Variants in ZNF385B observed in about 807,000 individuals in gnomAD.
The protein encoded by ZNF385B is zinc finger protein 533.
A neutral mutation model predicts 39.2 loss-of-function variants in ZNF385B; 23 were observed. The observed-to-expected ratio is 0.59, with a 90% confidence interval of 0.42 to 0.83. The LOEUF (loss-of-function observed/expected upper bound fraction) is 0.83. ZNF385B is among the 40% of genes least tolerant of loss of function. The pLI, the probability that ZNF385B is intolerant of heterozygous loss-of-function variation, is 0.00. For missense variants in ZNF385B, 552 were observed against 598.9 expected (o/e 0.92, Z 0.82); for synonymous variants, 205 against 222.6 (o/e 0.92, Z 0.70).
chr2:179,588,213 C>G (rs1006264843), intron 3 of ZNF385B, among the ~76,000 whole-genome samples: 2 of 152,070 alleles, frequency 1.3e-5, no homozygotes, highest in African/African-American at 2.4e-5. Flanking sequence ...CTCAGCCTCC[C>G]GAGTAGCTGG....
At chr2:179,562,598 C>T (rs1214517667) in intron 3 of ZNF385B, 4 of 985,228 alleles carry the variant, frequency 4.1e-6, no homozygotes, top group Admixed American at 6.2e-5. Context: ...TATTGAGGAT[C>T]GTGTTTGCAA....
intron 8 of ZNF385B, 119 bp from the exon 9 acceptor site, chr2:179,445,096 G>T: frequency 1.2e-6 from 1 of 821,210 alleles, no homozygotes; most frequent in South Asian, 1.5e-5. Context: ...ACGATGGTGT[G>T]GGTAAAATCA....
chr2:179,741,083 G>A (rs1702060764), intron 3 of ZNF385B, among the ~76,000 whole-genome samples: 1 of 152,092 alleles, frequency 6.6e-6, no homozygotes, highest in African/African-American at 2.4e-5. Context: ...CCAAAACTTG[G>A]GTTAATGGCA....
chr2:179,761,933 C>G (rs913186043), intron 3 of ZNF385B, among the ~76,000 whole-genome samples: 26 of 151,600 alleles, frequency 1.7e-4, no homozygotes, highest in African/African-American at 6.3e-4. Flanking sequence ...ACTTCCAGCA[C>G]CATTTTGAAT....
At chr2:179,506,664 T>G (rs1183251562) in intron 5 of ZNF385B, among the ~76,000 whole-genome samples, 1 of 152,142 alleles carries the variant, frequency 6.6e-6, no homozygotes, top group African/African-American at 2.4e-5. Context: ...CTTTTTCTCT[T>G]TTGTGCACTG....
chr2:179,495,755 G>T (rs2056135232), intron 5 of ZNF385B, among the ~76,000 whole-genome samples: 1 of 152,192 alleles, frequency 6.6e-6, no homozygotes, highest in Admixed American at 6.5e-5. Flanking sequence ...AGACCATCAA[G>T]GTGGTACCTC....
chr2:179,786,688 C>A (rs1705025924), intron 1 of ZNF385B, among the ~76,000 whole-genome samples: 1 of 150,234 alleles, frequency 6.7e-6, no homozygotes, highest in Non-Finnish European at 1.5e-5. Context: ...TGACAGGTTT[C>A]TTTCTTTTTC....
At chr2:179,744,537 C>T (rs1702267062) in intron 3 of ZNF385B, among the ~76,000 whole-genome samples, 1 of 152,096 alleles carries the variant, frequency 6.6e-6, no homozygotes, top group South Asian at 2.1e-4. Flanking sequence ...TTGGTGAACA[C>T]AAATGGTTTG....
chr2:179,516,776 T>C (rs2058117267), intron 5 of ZNF385B, among the ~76,000 whole-genome samples: 1 of 152,114 alleles, frequency 6.6e-6, no homozygotes, highest in Non-Finnish European at 1.5e-5. Flanking sequence ...GTCCAATATA[T>C]CAATATTCAC....
chr2:179,635,042 T>G (rs1443612177), intron 3 of ZNF385B, among the ~76,000 whole-genome samples: 2 of 149,402 alleles, frequency 1.3e-5, no homozygotes, highest in Non-Finnish European at 3.0e-5. Flanking sequence ...CTTGGGAGGC[T>G]GAGGCAGGAG....
intron 3 of ZNF385B, among the ~76,000 whole-genome samples, chr2:179,665,299 A>C (rs959713185): frequency 6.6e-5 from 10 of 152,258 alleles, no homozygotes; most frequent in African/African-American, 2.4e-4. Flanking sequence ...TCAGTGACTT[A>C]ATCTTTTCAC....
At chr2:179,816,766 T>C (rs936416024) in intron 1 of ZNF385B, among the ~76,000 whole-genome samples, 1 of 152,222 alleles carries the variant, frequency 6.6e-6, no homozygotes. Context: ...TTTTTAAACA[T>C]GAAATTTCAG....
At chr2:179,493,493 G>GTGTGTACATATATGCGTATAAACA (rs1553571606) in intron 5 of ZNF385B, among the ~76,000 whole-genome samples, 1 of 149,716 alleles carries the variant, frequency 6.7e-6, no homozygotes, top group Non-Finnish European at 1.5e-5. Flanking sequence ...ATGTATAAAC[G>GTGTGTACATATATGCGTATAAACA]TGTGTGTACA....
In ZNF385B at chr2:179,713,742, T is replaced by C. The variant is rs765737142; in HGVS notation, c.298+55761A>G. Among the ~76,000 whole-genome samples, 22 of 152,298 alleles carry C rather than the reference T, an allele frequency of 1.4e-4. 1 individual carries two copies. The highest frequency in any genetic ancestry group is 5.2e-4 in the Admixed American group (8 of 15,294). ...TAATGATTGACTGAATAAATGCATG[T>C]TATAAAAGCCTCTAGTTGGGTAAGG... On this transcript the variant is annotated intron_variant, in intron 3 of 9. Coordinates refer to ENST00000410066, the MANE Select transcript of ZNF385B (RefSeq NM_152520.6).
At chr2:179,548,322 C>T (rs942113599) in intron 3 of ZNF385B, among the ~76,000 whole-genome samples, 1 of 149,568 alleles carries the variant, frequency 6.7e-6, no homozygotes, top group African/African-American at 2.5e-5. Context: ...TAACAAGCAT[C>T]CTTCTTTAGT....
intron 3 of ZNF385B, among the ~76,000 whole-genome samples, chr2:179,684,386 C>T (rs1461295494): frequency 1.3e-5 from 2 of 152,150 alleles, no homozygotes; most frequent in Non-Finnish European, 2.9e-5. Flanking sequence ...GAAACACTAT[C>T]TCCTAAAGAA....
chr2:179,543,459 T>C (rs1055960520), intron 4 of ZNF385B, among the ~76,000 whole-genome samples: 2 of 152,180 alleles, frequency 1.3e-5, no homozygotes, highest in Admixed American at 6.5e-5. Context: ...AAATGTTCTA[T>C]GAAGTATAGC....
At chr2:179,808,222 C>T (rs1452825460) in intron 1 of ZNF385B, among the ~76,000 whole-genome samples, 9 of 152,036 alleles carry the variant, frequency 5.9e-5, no homozygotes, top group African/African-American at 1.9e-4. Context: ...TCAGTAGAGA[C>T]GGGGTTTCAC....
In ZNF385B at chr2:179,769,499, C is replaced by A. The variant is rs762414949; in HGVS notation, c.298+4G>T. The A allele has an allele frequency of 3.1e-6, 5 of 1,613,268 alleles. No homozygotes were observed. In the South Asian group the frequency reaches 5.5e-5, roughly 18 times the overall value. ...CACATGGAACCCGGGACCCTGCCTC[C>A]TACCTGTGCTGCTGTTGCTGCTGGG... On this transcript the variant is annotated splice_donor_region_variant and intron_variant, in intron 3 of 9. Coordinates refer to ENST00000410066, the MANE Select transcript of ZNF385B (RefSeq NM_152520.6).
Sources: gnomAD v4.1 joint callset for allele counts (sites outside exome capture counted in the v4.1 genomes callset) on GRCh38, gnomAD v4.1.1 for gene constraint, MANE v1.5 for transcripts, NCBI Gene and HGNC (gene_info 2026-07-23, HGNC 2026-07-21) for gene names.